The following TP63 variants were observed in gnomAD, a reference collection of about 807,000 sequenced individuals.
The protein encoded by TP63 is tumor protein p63, also known as tumor protein 63.
Under a neutral mutation model 82.8 loss-of-function variants are expected in TP63, and 17 were observed. The ratio of observed to expected loss-of-function variants is 0.21; its 90% CI spans 0.14 to 0.31. The LOEUF (loss-of-function observed/expected upper bound fraction) is 0.31, where lower values mean the gene tolerates loss of function less well. Ranked by LOEUF, TP63 falls within the 10% of genes least tolerant of loss-of-function variation. The pLI is 1.00. For synonymous variants in TP63, 330 were observed against 321.7 expected, an observed-to-expected ratio of 1.03 and a Z score of -0.28; for missense variants, 648 against 895.3, an observed-to-expected ratio of 0.72 and a Z score of 3.52.
intron 1 of TP63, among the ~76,000 whole-genome samples, chr3:189,713,203 A>G (rs1718721812): frequency 6.6e-6 from 1 of 152,142 alleles, no homozygotes; most frequent in South Asian, 2.1e-4. Context: ...CATTCTGTTT[A>G]TTCTGTGTAT....
At chr3:189,632,875 C>T (rs895273191) in intron 1 of TP63, among the ~76,000 whole-genome samples, 1 of 152,044 alleles carries the variant, frequency 6.6e-6, no homozygotes, top group African/African-American at 2.4e-5. Context: ...TGTTTCTAAT[C>T]TCAAAATTAT....
At chr3:189,774,210 C>T (rs1409669442) in intron 3 of TP63, among the ~76,000 whole-genome samples, 5 of 152,122 alleles carry the variant, frequency 3.3e-5, no homozygotes, top group Non-Finnish European at 5.9e-5. Flanking sequence ...GCGTGAGCCA[C>T]CACGCCCGGC....
At chr3:189,600,322 GT>G in the TP63 span, among the ~76,000 whole-genome samples, 7,611 of 152,088 alleles carry the variant, frequency 0.05, 284 homozygotes, top group African/African-American at 0.1. Context: ...TGGGCTTTAG[GT>G]TTTTTTATCT....
intron 1 of TP63, 102 bp from the exon 2 acceptor site, chr3:189,737,638 T>C: frequency 1.4e-6 from 2 of 1,394,444 alleles, no homozygotes; most frequent in Non-Finnish European, 2.0e-6. Context: ...CATGGTTTTA[T>C]AGATTCACTT....
intron 3 of TP63, among the ~76,000 whole-genome samples, chr3:189,757,786 G>C (rs1722295352): frequency 6.6e-6 from 1 of 152,120 alleles, no homozygotes; most frequent in African/African-American, 2.4e-5. Flanking sequence ...TGATGGTCAG[G>C]CAGTTGTTAC....
chr3:189,754,840 C>T (rs1722068402), intron 3 of TP63, among the ~76,000 whole-genome samples: 1 of 152,108 alleles, frequency 6.6e-6, no homozygotes, highest in South Asian at 2.1e-4. Flanking sequence ...TTTGTTCTTC[C>T]TATACATTCT....
chr3:189,789,974 T>C, intron 3 of TP63: 10 of 830,840 alleles, frequency 1.2e-5, no homozygotes, highest in Non-Finnish European at 1.7e-5. Flanking sequence ...GAATCTCCTT[T>C]TCTTGGTTAA....
chr3:189,665,704 G>A (rs1714325434), intron 1 of TP63, among the ~76,000 whole-genome samples: 1 of 152,028 alleles, frequency 6.6e-6, no homozygotes, highest in Admixed American at 6.6e-5. Context: ...ACTTTTAATT[G>A]TGGTGTGTAT....
chr3:189,673,772 A>AT (rs1377701788), intron 1 of TP63, among the ~76,000 whole-genome samples: 1 of 152,124 alleles, frequency 6.6e-6, no homozygotes, highest in Non-Finnish European at 1.5e-5. Flanking sequence ...CACTTCTGCA[A>AT]TTTACTTAGC....
chr3:189,870,448 A>T (rs1361071279), intron 9 of TP63, among the ~76,000 whole-genome samples: 1 of 152,190 alleles, frequency 6.6e-6, no homozygotes, highest in South Asian at 2.1e-4. Flanking sequence ...AACTATACAG[A>T]GGATATGCAT....
rs1553846625 is a variant in TP63 at position 189,813,595 on chromosome 3, G to GGT, written c.579+5069_579+5070insGT. On this transcript the variant is annotated intron_variant, in intron 4 of 13. Transcript: ENST00000264731. The stretch of plus-strand genomic sequence containing the variant: ...CATACGCCATGAAAATCCTCAGGTT[G>GGT]TTTTTTTTTTTGCATTGTTTTGTTT... 3.1e-3 allele frequency among the ~76,000 whole-genome samples: 103 copies of GGT among 33,532 alleles called. 1 individual carries two copies. Among genetic ancestry groups the GGT allele is most frequent in the Middle Eastern group, 0.038 (2 of 52 alleles). The allele number at this position is 33,532 out of a possible 152,430, so 22.0% of individuals were successfully genotyped here. A position where few individuals can be genotyped will look rare whatever the true frequency, so the allele number is the denominator to read the frequency against.
intron 4 of TP63, among the ~76,000 whole-genome samples, chr3:189,818,152 G>T (rs1728400191): frequency 6.6e-6 from 1 of 151,630 alleles, no homozygotes; most frequent in Non-Finnish European, 1.5e-5. Flanking sequence ...TGTATATAGA[G>T]CCCTGGAGTT....
At chr3:189,880,102 C>G in intron 10 of TP63, 1 of 1,613,824 alleles carries the variant, frequency 6.2e-7, no homozygotes. Flanking sequence ...CTTGTGGAGC[C>G]CCGGAGAGAA....
chr3:189,701,522 C>CATATATATATATATAT (rs35031313), intron 1 of TP63, among the ~76,000 whole-genome samples: 13 of 136,776 alleles, frequency 9.5e-5, no homozygotes, highest in African/African-American at 3.4e-4. Context: ...GATATATATA[C>CATATATATATATATAT]ATATATATAT....
chr3:189,761,904 C>A (rs531961740), intron 3 of TP63, among the ~76,000 whole-genome samples: 1 of 152,054 alleles, frequency 6.6e-6, no homozygotes. Flanking sequence ...GCAGAGAAAC[C>A]CCCGTTTTTA....
At chr3:189,894,180 C>T (rs757218745) in intron 13 of TP63, 26 bp from the exon 14 acceptor site, 1 of 1,614,032 alleles carries the variant, frequency 6.2e-7, no homozygotes, top group East Asian at 2.2e-5. Flanking sequence ...TTTTCATTCT[C>T]CATGACACCT....
chr3:189,824,047 C>T (rs1032243897), intron 4 of TP63, among the ~76,000 whole-genome samples: 2 of 152,054 alleles, frequency 1.3e-5, no homozygotes, highest in African/African-American at 2.4e-5. Context: ...AAACCTTGAT[C>T]GTTTCAAGAG....
intron 1 of TP63, among the ~76,000 whole-genome samples, chr3:189,637,881 G>A (rs1390425844): frequency 6.6e-6 from 1 of 152,070 alleles, no homozygotes; most frequent in African/African-American, 2.4e-5. Flanking sequence ...TATCCCTATG[G>A]GCACCATGTA....
At chr3:189,888,040 T>A (rs190617228) in intron 11 of TP63, among the ~76,000 whole-genome samples, 300 of 152,160 alleles carry the variant, frequency 2.0e-3, no homozygotes, top group Non-Finnish European at 3.8e-3. Flanking sequence ...GTATTTTTAG[T>A]AGAGGTGGGT....
Sources: allele counts gnomAD v4.1 joint callset (sites outside exome capture counted in the v4.1 genomes callset), GRCh38; gene constraint gnomAD v4.1.1; transcripts MANE v1.5; gene names NCBI Gene and HGNC (gene_info 2026-07-23, HGNC 2026-07-21).